GLB1: variants seen among roughly 807,000 people sequenced by gnomAD.
GLB1 encodes the protein galactosidase beta 1.
Under a neutral mutation model 74.0 loss-of-function variants are expected in GLB1, and 56 were observed. The observed-to-expected ratio is 0.76, with a 90% confidence interval of 0.61 to 0.94. GLB1 has a LOEUF of 0.94. Among genes scored for constraint, GLB1 ranks in the 40% least tolerant of loss-of-function variants. The pLI, the probability that GLB1 is intolerant of heterozygous loss-of-function variation, is 0.00. For synonymous variants in GLB1, 323 were observed against 323.6 expected (o/e 1.00, Z 0.02); for missense variants, 787 against 845.5 (o/e 0.93, Z 0.86).
At chr3:33,053,935 C>A (rs1027959849) in intron 6 of GLB1, among the ~76,000 whole-genome samples, 3 of 152,146 alleles carry the variant, frequency 2.0e-5, no homozygotes, top group African/African-American at 7.2e-5. Context: ...ATTGCTTGAA[C>A]CCGGGAGGTG....
chr3:32,976,040 A>G, the GLB1 span, among the ~76,000 whole-genome samples: 2 of 152,076 alleles, frequency 1.3e-5, no homozygotes, highest in Non-Finnish European at 2.9e-5. Flanking sequence ...CATTTCACCC[A>G]TCTCCCCTTT....
At chr3:33,027,641 G>A (rs1277120248) in intron 10 of GLB1, among the ~76,000 whole-genome samples, 2 of 152,142 alleles carry the variant, frequency 1.3e-5, no homozygotes, top group African/African-American at 4.8e-5. Context: ...AATTAGCCAG[G>A]CATGGTGGCA....
In GLB1 at chr3:32,996,865, C is replaced by G. The variant is rs1575392218; in HGVS notation, c.*180G>C. 2 of 1,098,720 alleles carry G rather than the reference C, an allele frequency of 1.8e-6. No homozygotes were observed. The highest frequency in any genetic ancestry group is 1.6e-5 in the African/African-American group (1 of 64,402). The allele number at this position is 1,098,720 out of a possible 1,614,324, so 68.1% of individuals were successfully genotyped here. On this transcript the variant is annotated 3_prime_UTR_variant, in exon 16 of 16. Coordinates refer to ENST00000307363, the MANE Select transcript of GLB1 (RefSeq NM_000404.4). ...CTGTGCTGTCAGCCCCTCACACATT[C>G]CAGGTGGTCCCTGAAGGTGGGGCTT...
chr3:33,090,975 A>G (rs140014506), intron 1 of GLB1: 1 of 985,372 alleles, frequency 1.0e-6, no homozygotes, highest in East Asian at 1.1e-4. Context: ...AGCCCAGGTC[A>G]CTGATGAGAA....
chr3:33,074,389 G>GAAGGAAGA (rs1553612831), intron 1 of GLB1, among the ~76,000 whole-genome samples: 13 of 38,894 alleles, frequency 3.3e-4, no homozygotes, highest in African/African-American at 1.4e-3. Flanking sequence ...AGGAAGGAAG[G>GAAGGAAGA]AAGAAAGAAA....
At chr3:33,002,254 T>G (rs1696602164) in intron 15 of GLB1, among the ~76,000 whole-genome samples, 1 of 152,244 alleles carries the variant, frequency 6.6e-6, no homozygotes, top group Non-Finnish European at 1.5e-5. Flanking sequence ...ACTTTTTTGT[T>G]GATCAGACAG....
intron 9 of GLB1, among the ~76,000 whole-genome samples, chr3:33,050,752 T>C (rs1698942390): frequency 6.6e-6 from 1 of 152,204 alleles, no homozygotes; most frequent in Non-Finnish European, 1.5e-5. Flanking sequence ...CTGCATCATA[T>C]ACTTAAAAAT....
intron 1 of GLB1, among the ~76,000 whole-genome samples, chr3:33,088,060 T>C (rs559158400): frequency 6.6e-6 from 1 of 152,096 alleles, no homozygotes; most frequent in South Asian, 2.1e-4. Flanking sequence ...TCAACACCCT[T>C]TCATGATTAA....
At chr3:33,059,706 G>A (rs942244612) in intron 5 of GLB1, among the ~76,000 whole-genome samples, 2 of 152,198 alleles carry the variant, frequency 1.3e-5, no homozygotes, top group Non-Finnish European at 2.9e-5. Context: ...CACTGGCCAC[G>A]TGCTGTCTCC....
intron 1 of GLB1, among the ~76,000 whole-genome samples, chr3:33,087,050 AAAG>A (rs1306854246): frequency 1.0e-3 from 155 of 152,234 alleles, no homozygotes; most frequent in African/African-American, 3.5e-3. Flanking sequence ...GATTTAAAAA[AAAG>A]AAGATATAAA....
intron 1 of GLB1, chr3:33,092,750 A>G (rs1575499548): frequency 6.6e-7 from 1 of 1,513,606 alleles, no homozygotes; most frequent in East Asian, 2.3e-5. Context: ...GCAAGGCTGG[A>G]GGGGAAAAGC....
At position 33,019,637 on chromosome 3, in the gene GLB1, C is replaced by T. The variant is rs578075040; in HGVS notation, c.1234-1076G>A. Among the ~76,000 whole-genome samples the T allele has an allele frequency of 1.5e-3, 226 of 152,288 alleles. 1 individual carries two copies. The highest frequency in any genetic ancestry group is 5.2e-3 in the African/African-American group (217 of 41,548). On this transcript the variant is annotated intron_variant, in intron 12 of 15. Coordinates refer to ENST00000307363, the MANE Select transcript of GLB1 (RefSeq NM_000404.4). ...TACTAAGACCACACAAACCTTCTAGCGCAAGAACACCTCCCGCCCAGGCTC... is the reference window on the plus strand; with the variant it reads ...TACTAAGACCACACAAACCTTCTAGTGCAAGAACACCTCCCGCCCAGGCTC...
intron 12 of GLB1, among the ~76,000 whole-genome samples, chr3:33,020,863 C>T (rs1697440226): frequency 6.6e-6 from 1 of 151,932 alleles, no homozygotes; most frequent in Non-Finnish European, 1.5e-5. Context: ...GCTGATAACT[C>T]AAATGGTTAG....
intron 2 of GLB1, among the ~76,000 whole-genome samples, chr3:33,069,504 C>G (rs781773510): frequency 2.6e-5 from 4 of 152,142 alleles, no homozygotes; most frequent in Non-Finnish European, 5.9e-5. Flanking sequence ...CTGAGGCTTC[C>G]TTCATTCTCC....
intron 1 of GLB1, among the ~76,000 whole-genome samples, chr3:33,083,722 A>G (rs1312576733): frequency 6.6e-6 from 1 of 152,226 alleles, no homozygotes; most frequent in African/African-American, 2.4e-5. Flanking sequence ...CTGGAGAGAA[A>G]AAACCCAGCA....
the GLB1 span, among the ~76,000 whole-genome samples, chr3:32,961,437 G>C: frequency 6.6e-6 from 1 of 152,222 alleles, no homozygotes; most frequent in Non-Finnish European, 1.5e-5. Context: ...CAGGAAGAGA[G>C]GTGATCAACA....
At chr3:33,013,906 T>C (rs1308844324) in intron 15 of GLB1, 150 bp downstream of exon 15, 2 of 1,444,838 alleles carry the variant, frequency 1.4e-6, no homozygotes, top group East Asian at 4.9e-5. Flanking sequence ...CCTGAAGATC[T>C]GCCACAATCC....
At position 33,022,768 on chromosome 3, in the gene GLB1, C is replaced by G. The variant is rs554617946; in HGVS notation, c.1144-1113G>C. On this transcript the variant is annotated intron_variant, in intron 11 of 15. Coordinates refer to ENST00000307363, the MANE Select transcript of GLB1 (RefSeq NM_000404.4). ...AGAGACGGGGTTTCACCATGTTGGC[C>G]AGGCTGGTCTTGAACTCCTGACCTC... 2.0e-5 allele frequency among the ~76,000 whole-genome samples: 3 copies of G among 151,854 alleles called. No individual in the cohort carries two copies. In the East Asian group the frequency reaches 5.8e-4, roughly 29 times the overall value.
At chr3:33,065,437 C>T in intron 5 of GLB1, 26 bp downstream of exon 5, 1 of 1,562,536 alleles carries the variant, frequency 6.4e-7, no homozygotes, top group Non-Finnish European at 8.7e-7. Context: ...CTCCCCCAAT[C>T]CATCCATGCT....
Sources: allele counts gnomAD v4.1 joint callset (sites outside exome capture counted in the v4.1 genomes callset), GRCh38; gene constraint gnomAD v4.1.1; transcripts MANE v1.5; gene names NCBI Gene and HGNC (gene_info 2026-07-23, HGNC 2026-07-21).